Variants in GREB1L observed in about 807,000 individuals in gnomAD.
GREB1L encodes the protein GREB1-like protein.
GREB1L carries 17 observed loss-of-function variants against 200.8 expected under a neutral mutation model. That is an observed-to-expected ratio of 0.08 (90% CI 0.06 to 0.13). The LOEUF is 0.13. Ranked by LOEUF, GREB1L falls within the 10% of genes least tolerant of loss-of-function variation. GREB1L has a pLI of 1.00. For synonymous variants in GREB1L, 789 were observed against 893.0 expected (o/e 0.88, Z 2.08); for missense variants, 1,657 against 2,367.7 (o/e 0.70, Z 6.23).
intron 15 of GREB1L, among the ~76,000 whole-genome samples, chr18:21,457,751 A>C (rs2034835700): frequency 6.6e-6 from 1 of 152,194 alleles, no homozygotes; most frequent in South Asian, 2.1e-4. Context: ...AAGAGAAAGG[A>C]CTAGAAGCAT....
chr18:21,272,702 G>T (rs2038097815), intron 1 of GREB1L, among the ~76,000 whole-genome samples: 1 of 152,142 alleles, frequency 6.6e-6, no homozygotes, highest in Non-Finnish European at 1.5e-5. Flanking sequence ...TGTAATAACT[G>T]GTTGGCATAC....
At chr18:21,486,990 A>G (rs1451697296) in intron 18 of GREB1L, among the ~76,000 whole-genome samples, 2 of 152,246 alleles carry the variant, frequency 1.3e-5, no homozygotes, top group Non-Finnish European at 2.9e-5. Flanking sequence ...AGATTATAAT[A>G]CTGCATCCGG....
rs542266936 is a variant in GREB1L, at chr18:21,505,888, A to T, written c.4307A>T (p.Tyr1436Phe). The T allele has an allele frequency of 1.3e-6, 2 of 1,552,156 alleles. No individual in the cohort carries two copies. The highest frequency in any genetic ancestry group is 4.9e-5 in the East Asian group (2 of 40,936). The change falls in exon 25 of 33, where the codon TAT becomes TTT. Residue 1436 changes from tyrosine to phenylalanine, a missense_variant. By Grantham distance (22) the Tyr-to-Phe change is conservative. Transcript: ENST00000424526. The stretch of plus-strand genomic sequence containing the variant: ...ATAATGCTGACCAAATATGCAGCCT[A>T]TAACACCTTTCACCACTGTGAACAG... ...VSIMLTKYAA[Y>F]NTFHHCEQCR...
intron 1 of GREB1L, among the ~76,000 whole-genome samples, chr18:21,284,485 C>T (rs1211757811): frequency 6.6e-6 from 1 of 152,286 alleles, no homozygotes; most frequent in East Asian, 1.9e-4. Context: ...CAGAGTTCAT[C>T]CATGTACTAA....
intron 7 of GREB1L, among the ~76,000 whole-genome samples, chr18:21,419,076 T>C (rs555890712): frequency 6.6e-6 from 1 of 152,342 alleles, no homozygotes; most frequent in East Asian, 1.9e-4. Flanking sequence ...ATTCATGTTG[T>C]AATTATTCAA....
intron 1 of GREB1L, among the ~76,000 whole-genome samples, chr18:21,255,378 CGGCTACTG>C (rs1426605694): frequency 4.6e-5 from 7 of 152,170 alleles, no homozygotes; most frequent in Non-Finnish European, 7.3e-5. Context: ...TGTGACTAAG[CGGCTACTG>C]TATTGGATAA....
At chr18:21,365,062 C>T (rs911773553) in intron 1 of GREB1L, among the ~76,000 whole-genome samples, 9 of 151,952 alleles carry the variant, frequency 5.9e-5, no homozygotes, top group Non-Finnish European at 1.2e-4. Flanking sequence ...TGCCTGAAGA[C>T]ATTCTTCTGA....
chr18:21,474,443 G>C (rs978070923), intron 16 of GREB1L, among the ~76,000 whole-genome samples: 2 of 152,178 alleles, frequency 1.3e-5, no homozygotes, highest in African/African-American at 4.8e-5. Flanking sequence ...GGTTCTCCAT[G>C]AGGGCCCCAC....
At chr18:21,346,666 A>G (rs1175553761) in intron 1 of GREB1L, among the ~76,000 whole-genome samples, 1 of 152,164 alleles carries the variant, frequency 6.6e-6, no homozygotes, top group Non-Finnish European at 1.5e-5. Flanking sequence ...TGCAAATGAC[A>G]GGAAACCTGA....
chr18:21,395,979 C>T (rs1390825685), intron 5 of GREB1L, among the ~76,000 whole-genome samples: 3 of 151,728 alleles, frequency 2.0e-5, no homozygotes, highest in Non-Finnish European at 2.9e-5. Flanking sequence ...CTGCCCACCT[C>T]GGACACCCAA....
At chr18:21,467,988 G>A (rs1230870903) in intron 15 of GREB1L, among the ~76,000 whole-genome samples, 2 of 147,340 alleles carry the variant, frequency 1.4e-5, no homozygotes, top group Non-Finnish European at 3.0e-5. Context: ...TCATGCCACT[G>A]CACTCCAGCC....
At chr18:21,327,415 C>T (rs567675510) in intron 1 of GREB1L, among the ~76,000 whole-genome samples, 86 of 152,232 alleles carry the variant, frequency 5.6e-4, no homozygotes, top group African/African-American at 1.9e-3. Flanking sequence ...CTTAAATAAA[C>T]GACATCTCAG....
At chr18:21,361,243 A>G (rs1164987489) in intron 1 of GREB1L, among the ~76,000 whole-genome samples, 1 of 152,164 alleles carries the variant, frequency 6.6e-6, no homozygotes, top group African/African-American at 2.4e-5. Context: ...ACAGTTAAGG[A>G]AGTTTCTTTT....
At chr18:21,453,568 A>G (rs1489215014) in intron 14 of GREB1L, among the ~76,000 whole-genome samples, 3 of 152,222 alleles carry the variant, frequency 2.0e-5, no homozygotes, top group African/African-American at 7.2e-5. Context: ...ATGCACGTAT[A>G]AGAAAGATTG....
In GREB1L at chr18:21,399,489, A is replaced by G. The variant is rs528238817; in HGVS notation, c.533-1661A>G. Among the ~76,000 whole-genome samples the G allele has an allele frequency of 2.1e-4, 32 of 151,612 alleles. No individual in the cohort carries two copies. In the East Asian group the frequency reaches 6.0e-3, roughly 28 times the overall value. On this transcript the variant is annotated intron_variant, in intron 5 of 32. Transcript: ENST00000424526. ...GATGGATGGATGGATGGATGGATGG[A>G]TGGATAGATGGATGGGTGGGTGGAT...
intron 4 of GREB1L, chr18:21,387,438 T>C (rs2040589844): frequency 2.0e-5 from 3 of 152,258 alleles, no homozygotes; most frequent in Non-Finnish European, 4.4e-5. Context: ...TTCAGTGTTA[T>C]CTTCAGAAAA....
At chr18:21,311,968 C>T (rs2038798359) in intron 1 of GREB1L, among the ~76,000 whole-genome samples, 1 of 152,082 alleles carries the variant, frequency 6.6e-6, no homozygotes, top group South Asian at 2.1e-4. Context: ...TTTTCCTGAT[C>T]CCATCCCCCT....
chr18:21,474,050 G>A (rs950114707), intron 16 of GREB1L, among the ~76,000 whole-genome samples: 2 of 152,158 alleles, frequency 1.3e-5, no homozygotes, highest in Non-Finnish European at 2.9e-5. Context: ...GGAATTATGG[G>A]AGCTACAAGA....
intron 1 of GREB1L, among the ~76,000 whole-genome samples, chr18:21,263,708 G>A (rs1353989572): frequency 6.6e-6 from 1 of 152,136 alleles, no homozygotes; most frequent in Admixed American, 6.6e-5. Context: ...TACTTTAAAT[G>A]CTACCTACTC....
Sources: allele counts gnomAD v4.1 joint callset (sites outside exome capture counted in the v4.1 genomes callset), GRCh38; gene constraint gnomAD v4.1.1; transcripts MANE v1.5; gene names NCBI Gene and HGNC (gene_info 2026-07-23, HGNC 2026-07-21).